IRF3: variants seen among roughly 807,000 people sequenced by gnomAD.
IRF3 encodes interferon regulatory factor 3.
Under a neutral mutation model 43.2 loss-of-function variants are expected in IRF3, and 29 were observed. That is an observed-to-expected ratio of 0.67 (90% CI 0.50 to 0.91). The LOEUF is 0.91. Ranked by LOEUF, IRF3 falls within the 40% of genes least tolerant of loss-of-function variation. The pLI, the probability that IRF3 is intolerant of heterozygous loss-of-function variation, is 0.00. For missense variants in IRF3, 505 were observed against 559.1 expected, an observed-to-expected ratio of 0.90 and a Z score of 0.98; for synonymous variants, 228 against 233.9, an observed-to-expected ratio of 0.97 and a Z score of 0.23.
At chr19:49,660,580 A>T in intron 7 of IRF3, 133 bp downstream of exon 7, 1 of 924,806 alleles carries the variant, frequency 1.1e-6, no homozygotes. Flanking sequence ...CGGGGATGAA[A>T]AACTGGTTAT....
intron 1 of IRF3, 92 bp downstream of exon 1, chr19:49,665,539 G>T: frequency 2.6e-6 from 1 of 381,678 alleles, no homozygotes; most frequent in Non-Finnish European, 4.8e-6. Context: ...AGAGTACACA[G>T]CCTGCCTTTC....
rs778161079 is a variant in IRF3, at chr19:49,664,570, C to T, written c.165+104G>A. The T allele has an allele frequency of 3.1e-6, 5 of 1,608,412 alleles. No homozygotes were observed. The African/African-American group carries it at 5.3e-5, about 17-fold the overall frequency. On this transcript the variant is annotated intron_variant, in intron 2 of 7. Transcript: ENST00000377139. Reference sequence around the variant, plus strand: ...CCACCCACCAGCGTTGGCACGAGCCCGCCCCTCGCGCGCCACCTCCGCCTT... The same window carrying T: ...CCACCCACCAGCGTTGGCACGAGCCTGCCCCTCGCGCGCCACCTCCGCCTT...
At chr19:49,660,235 C>T (rs561124646) in intron 7 of IRF3, among the ~76,000 whole-genome samples, 9 of 152,200 alleles carry the variant, frequency 5.9e-5, no homozygotes, top group Admixed American at 1.3e-4. Flanking sequence ...AACCCCCCTA[C>T]GGCTTGTTAG....
chr19:49,663,481 C>G lies in IRF3; in HGVS notation c.199G>C (p.Gly67Arg). Residue 67 changes from glycine to arginine, a missense_variant, in exon 3 of 8, where the codon GGG (glycine) becomes CGG (arginine). Gly to Arg is a moderately radical substitution (Grantham distance 125, BLOSUM62 -2). Coordinates refer to ENST00000377139, the MANE Select transcript of IRF3 (RefSeq NM_001571.6). ...WAEATGAYVP[G>R]RDKPDLPTWK... Reference sequence around the variant, plus strand: ...GTTGGCAGGTCTGGCTTATCCCTCCCGGGAACATATGCACCAGTGGCCTCG... The same window carrying G: ...GTTGGCAGGTCTGGCTTATCCCTCCGGGGAACATATGCACCAGTGGCCTCG... The G allele has an allele frequency of 2.5e-6, 4 of 1,614,178 alleles. No homozygotes were observed. The highest frequency in any genetic ancestry group is 3.4e-6 in the Non-Finnish European group (4 of 1,180,028).
intron 2 of IRF3, 186 bp downstream of exon 2, chr19:49,664,488 C>T (rs1219913679): frequency 6.4e-7 from 1 of 1,551,308 alleles, no homozygotes; most frequent in South Asian, 1.2e-5. Context: ...TCCAACCCTG[C>T]TTGCGCCCCA....
At chr19:49,660,029 C>CACACACACACACACACACACACACA (rs1568452113) in intron 7 of IRF3, among the ~76,000 whole-genome samples, 196 bp from the exon 8 acceptor site, 2 of 48,556 alleles carry the variant, frequency 4.1e-5, no homozygotes, top group East Asian at 5.0e-4. Context: ...ACACACACAC[C>CACACACACACACACACACACACACA]CCCTGCTGTA....
chr19:49,662,020 C>A lies in IRF3; in HGVS notation c.910G>T (p.Gly304Trp). 1 of 1,614,086 alleles carries A rather than the reference C, an allele frequency of 6.2e-7. No homozygotes were observed. The highest frequency in any genetic ancestry group is 8.5e-7 in the Non-Finnish European group (1 of 1,179,970). The change falls in exon 6 of 8, where the codon GGG becomes TGG. Residue 304 changes from glycine to tryptophan, a missense_variant. Gly to Trp is a radical substitution (Grantham distance 184). Transcript: ENST00000377139. ...GGGACCTCGCCATCAGGCCCATGCC[C>A]GCTGTTGGGGAGCAGCTCCTCGCTC... is the stretch of plus-strand genomic sequence containing the variant. ...AVSEELLPNS[G>W]HGPDGEVPKD...
chr19:49,663,103 G>A (rs991483465), intron 4 of IRF3, 85 bp downstream of exon 4: 1 of 1,206,748 alleles, frequency 8.3e-7, no homozygotes, highest in East Asian at 2.3e-5. Context: ...AGGCAGGGGA[G>A]TGGGGGGATC....
intron 4 of IRF3, among the ~76,000 whole-genome samples, chr19:49,662,865 G>C (rs1415089560): frequency 6.6e-6 from 1 of 152,238 alleles, no homozygotes; most frequent in African/African-American, 2.4e-5. Context: ...AGCAGGCTGG[G>C]TAGAATTTCA....
chr19:49,664,713 T>C lies in IRF3; in HGVS notation c.126A>G (p.Leu42=), dbSNP rs1372695676. Reference sequence around the variant, plus strand: ...AATCCTCCTGCTGTGCATCCTGCCGTAGGCCGTGCTTCCAAGGGATGCGGA... The same window carrying C: ...AATCCTCCTGCTGTGCATCCTGCCGCAGGCCGTGCTTCCAAGGGATGCGGA... ...TRFRIPWKHG[L]RQDAQQEDFG... Residue 42 remains leucine, a synonymous_variant, in exon 2 of 8, where the codon CTA becomes CTG. Transcript: ENST00000377139. The C allele has an allele frequency of 1.2e-6, 2 of 1,613,950 alleles. No homozygotes were observed. The highest frequency in any genetic ancestry group is 1.7e-6 in the Non-Finnish European group (2 of 1,179,980).
intron 2 of IRF3, 86 bp downstream of exon 2, chr19:49,664,588 T>A (rs746922899): frequency 2.5e-5 from 35 of 1,381,050 alleles, no homozygotes; most frequent in Non-Finnish European, 3.1e-5. Flanking sequence ...GCGCGCCACC[T>A]CCGCCTTCTC....
intron 6 of IRF3, 190 bp from the exon 7 acceptor site, chr19:49,661,018 G>C: frequency 1.6e-6 from 1 of 611,846 alleles, no homozygotes; most frequent in Non-Finnish European, 2.7e-6. Context: ...TGGGGTTGTT[G>C]GAAGGCCACA....
In IRF3 at chr19:49,660,751, G is replaced by C. The variant is rs2081288317; in HGVS notation, c.1060C>G (p.Gln354Glu). The C allele has an allele frequency of 8.7e-6, 14 of 1,610,190 alleles. No homozygotes were observed. The highest frequency in any genetic ancestry group is 1.3e-5 in the African/African-American group (1 of 74,882). Residue 354 changes from glutamine to glutamate, a missense_variant, in exon 7 of 8, where the codon CAG becomes GAG. Gln to Glu is a conservative substitution (Grantham distance 29, BLOSUM62 2). Transcript: ENST00000377139. ...AGCCTCTTGGTCCACGGCTGGTCCTGGGGCCATGACTCCCCCACACAGAAC... is the reference window on the plus strand; with the variant it reads ...AGCCTCTTGGTCCACGGCTGGTCCTCGGGCCATGACTCCCCCACACAGAAC... ...LWFCVGESWP[Q>E]DQPWTKRLVM... is the part of the protein sequence containing the mutation.
chr19:49,660,937 C>A, intron 6 of IRF3, 109 bp from the exon 7 acceptor site: 1 of 1,267,482 alleles, frequency 7.9e-7, no homozygotes, highest in Non-Finnish European at 1.1e-6. Flanking sequence ...AGGCCCTCTG[C>A]TGCCTCGACC....
rs1350019055 is a variant in IRF3 at position 49,663,141 on chromosome 19, G to A, written c.408+47C>T. ...CTAGAGGGAGAGGACAAGGCCCATG[G>A]AGACAGGTCGGAGACTGAGGGGCAT... On this transcript the variant is annotated intron_variant, in intron 4 of 7. Transcript: ENST00000377139. 2.6e-6 allele frequency: 4 copies of A among 1,511,890 alleles called. No homozygotes were observed. In the Admixed American group the frequency reaches 5.0e-5, roughly 19 times the overall value. The allele number at this position is 1,511,890 out of a possible 1,614,324, so 93.7% of individuals were successfully genotyped here.
Position 49,663,386 on chromosome 19 carries a change from C to G in IRF3, c.294G>C (p.Lys98Asn). The G allele has an allele frequency of 1.2e-6, 2 of 1,614,232 alleles. No homozygotes were observed. The highest frequency in any genetic ancestry group is 1.7e-6 in the Non-Finnish European group (2 of 1,180,040). ...AGATTTTATGTGGGTCGTGAGGGTC[C>G]TTGCTCCGGTCCTCTGCTAAACGCA... ...EGLRLAEDRS[K>N]DPHDPHKIYE... is the part of the protein sequence containing the mutation. The change falls in exon 3 of 8, where the codon AAG becomes AAC. Residue 98 changes from lysine (K) to asparagine (N), a missense_variant. Physicochemically the swap from Lys to Asn is moderately conservative, Grantham distance 94. Coordinates refer to ENST00000377139, the MANE Select transcript of IRF3 (RefSeq NM_001571.6).
At position 49,659,984 on chromosome 19, in the gene IRF3, TACACACACACACACACACACACACAC is replaced by T. The variant is rs5828408; in HGVS notation, c.1099-177_1099-152del. On this transcript the variant is annotated intron_variant, in intron 7 of 7. Transcript: ENST00000377139. ...CTAGGGCTGCTGGGAGTTGTAGTTT[TACACACACACACACACACACACACAC>T]ACACACACACACACACACCCCCTGC... The T allele has an allele frequency of 4.5e-4, 147 of 323,964 alleles. 1 individual carries two copies. Among genetic ancestry groups the T allele is most frequent in the South Asian group, 6.2e-4 (16 of 25,644 alleles). 20.1% of individuals were successfully genotyped at this position (323,964 alleles called of 1,614,324 possible). A position where few individuals can be genotyped will look rare whatever the true frequency, so the allele number is the denominator to read the frequency against.
At chr19:49,661,598 C>T (rs147671435) in intron 6 of IRF3, 2,797 of 171,352 alleles carry the variant, frequency 0.016, 121 homozygotes, top group Admixed American at 0.094. Flanking sequence ...TTTTGTTGTT[C>T]GAGATGGAGT....
chr19:49,660,437 C>G (rs907925604), intron 7 of IRF3, among the ~76,000 whole-genome samples: 2 of 152,126 alleles, frequency 1.3e-5, no homozygotes, highest in South Asian at 4.1e-4. Flanking sequence ...CAGTTTCATC[C>G]CGAAACCACA....
Sources: allele counts gnomAD v4.1 joint callset (sites outside exome capture counted in the v4.1 genomes callset), GRCh38; gene constraint gnomAD v4.1.1; transcripts MANE v1.5; gene names NCBI Gene and HGNC (gene_info 2026-07-23, HGNC 2026-07-21).